Variants in NTSR1 observed in about 807,000 individuals in gnomAD.
NTSR1 encodes neurotensin receptor 1.
NTSR1 carries 29 observed loss-of-function variants against 31.2 expected under a neutral mutation model. That is an observed-to-expected ratio of 0.93 (90% CI 0.69 to 1.27). The LOEUF (loss-of-function observed/expected upper bound fraction) is 1.27. Ranked by LOEUF, NTSR1 falls within the 50% of genes most tolerant of loss-of-function variation. The pLI is 0.00. For missense variants in NTSR1, 697 were observed against 595.4 expected (o/e 1.17, Z -1.78); for synonymous variants, 282 against 269.9 (o/e 1.04, Z -0.44).
intron 1 of NTSR1, among the ~76,000 whole-genome samples, chr20:62,751,502 G>A (rs897283078): frequency 6.6e-6 from 1 of 152,250 alleles, no homozygotes. Flanking sequence ...GGGGTGCCCC[G>A]CTTCACCGGT....
At position 62,715,219 on chromosome 20, in the gene NTSR1, G is replaced by C. The variant is rs762342010; in HGVS notation, c.714+5298G>C. On this transcript the variant is annotated intron_variant, in intron 1 of 3. Transcript: ENST00000370501. The surrounding 1 kb of genome is among the most constrained non-coding windows in gnomAD (Gnocchi z 4.7). ...GATGGTGACTCTGAGGCTGTGGGGG[G>C]TGAGAGGGCAGGACAGGGAGGTGAC... Among the ~76,000 whole-genome samples, 1 of 152,196 alleles carries C rather than the reference G, an allele frequency of 6.6e-6. No individual in the cohort carries two copies.
rs533774882 is a variant in NTSR1 at position 62,715,189 on chromosome 20, G to A, written c.714+5268G>A. On this transcript the variant is annotated intron_variant, in intron 1 of 3. Transcript: ENST00000370501. The surrounding 1 kb of genome is among the most constrained non-coding windows in gnomAD (Gnocchi z 4.7). The stretch of plus-strand genomic sequence containing the variant: ...AAAGAATTTGGCGTATGAAATCACC[G>A]TTCAGATGGTGACTCTGAGGCTGTG... Among the ~76,000 whole-genome samples, 4 of 152,310 alleles carry A rather than the reference G, an allele frequency of 2.6e-5. No homozygotes were observed. The highest frequency in any genetic ancestry group is 1.9e-4 in the East Asian group (1 of 5,190).
intron 1 of NTSR1, among the ~76,000 whole-genome samples, chr20:62,750,894 C>T (rs1279581347): frequency 6.6e-6 from 1 of 151,874 alleles, no homozygotes; most frequent in African/African-American, 2.4e-5. Context: ...AATATTTTTG[C>T]GATGGGCGTC....
chr20:62,752,241 C>G (rs1185814567), intron 1 of NTSR1, among the ~76,000 whole-genome samples: 1 of 152,198 alleles, frequency 6.6e-6, no homozygotes, highest in Non-Finnish European at 1.5e-5. Flanking sequence ...TCCTCCGAGT[C>G]CCCGCGCTGC....
At chr20:62,739,118 G>A (rs1989157264) in intron 1 of NTSR1, among the ~76,000 whole-genome samples, 1 of 152,196 alleles carries the variant, frequency 6.6e-6, no homozygotes, top group African/African-American at 2.4e-5. Flanking sequence ...ACCTCATGTC[G>A]TGTGGCGCCG....
At chr20:62,723,584 C>T (rs1249525759) in intron 1 of NTSR1, among the ~76,000 whole-genome samples, 1 of 152,180 alleles carries the variant, frequency 6.6e-6, no homozygotes, top group Non-Finnish European at 1.5e-5. Flanking sequence ...TCTGGGCTGA[C>T]CCCATGGTGG....
In NTSR1 at chr20:62,741,249, C is replaced by T. The variant is rs1989201276; in HGVS notation, c.715-13436C>T. Among the ~76,000 whole-genome samples, 1 of 152,232 alleles carries T rather than the reference C, an allele frequency of 6.6e-6. No homozygotes were observed. The highest frequency in any genetic ancestry group is 1.5e-5 in the Non-Finnish European group (1 of 68,036). On this transcript the variant is annotated intron_variant, in intron 1 of 3. Transcript: ENST00000370501. This position sits in a 1 kb window ranked among gnomAD's most constrained non-coding sequence, Gnocchi z 4.3. ...GCCAGTCCCGCAGCTCAGCCGGGCA[C>T]AGACAGGATGTGGCTTCCAGGGGCT...
rs1989281501 is a variant in NTSR1, at chr20:62,745,340, G to A, written c.715-9345G>A. ...AGGGAGACACAGAGACAGAGATACA[G>A]AGACACAAGAAAACAGAGACAGAGA... On this transcript the variant is annotated intron_variant, in intron 1 of 3. Coordinates refer to ENST00000370501, the MANE Select transcript of NTSR1 (RefSeq NM_002531.3). The surrounding 1 kb of genome is among the most constrained non-coding windows in gnomAD (Gnocchi z 4.1). Among the ~76,000 whole-genome samples, 1 of 152,036 alleles carries A rather than the reference G, an allele frequency of 6.6e-6. No individual in the cohort carries two copies. The highest frequency in any genetic ancestry group is 1.9e-4 in the East Asian group (1 of 5,194).
Position 62,760,004 on chromosome 20 carries a change from C to A in NTSR1, c.1008-14C>A, listed in dbSNP as rs1989586089. 6.2e-7 allele frequency: 1 copy of A among 1,611,828 alleles called. No individual in the cohort carries two copies. The highest frequency in any genetic ancestry group is 1.3e-5 in the African/African-American group (1 of 74,874). On this transcript the variant is annotated splice_polypyrimidine_tract_variant and intron_variant, in intron 3 of 3. Transcript: ENST00000370501. ...AGTTCTCTCTGGGATCTGAGCGCCT[C>A]TCTCTCCCCGCAGGTTCCTCTATGA...
At chr20:62,712,690 T>A (rs1988638779) in intron 1 of NTSR1, among the ~76,000 whole-genome samples, 1 of 152,174 alleles carries the variant, frequency 6.6e-6, no homozygotes, top group Non-Finnish European at 1.5e-5. Flanking sequence ...CTCAGGGACC[T>A]ACGGGTGCCC....
intron 1 of NTSR1, among the ~76,000 whole-genome samples, chr20:62,754,340 C>T (rs6062548): frequency 0.66 from 100,352 of 152,142 alleles, 40,056 homozygotes; most frequent in Non-Finnish European, 0.87. Context: ...GACCTGGGAA[C>T]CTAGAGCCTA....
rs1989292387 is a variant in NTSR1, at chr20:62,745,919, G to A, written c.715-8766G>A. ...GCTCTCTTTAGAGACAAATCGAAAG[G>A]CGCCAGGGTGCTGTGGCATCAGTGG... On this transcript the variant is annotated intron_variant, in intron 1 of 3. Coordinates refer to ENST00000370501, the MANE Select transcript of NTSR1 (RefSeq NM_002531.3). This position sits in a 1 kb window ranked among gnomAD's most constrained non-coding sequence, Gnocchi z 4.1. Among the ~76,000 whole-genome samples the A allele has an allele frequency of 6.6e-6, 1 of 152,216 alleles. No individual in the cohort carries two copies. Among genetic ancestry groups the A allele is most frequent in the Non-Finnish European group, 1.5e-5 (1 of 68,028 alleles).
Position 62,711,866 on chromosome 20 carries a change from C to T in NTSR1, c.714+1945C>T, listed in dbSNP as rs536045669. Among the ~76,000 whole-genome samples the T allele has an allele frequency of 1.8e-4, 28 of 152,348 alleles. No individual in the cohort carries two copies. The highest frequency in any genetic ancestry group is 5.8e-4 in the African/African-American group (24 of 41,584). The stretch of plus-strand genomic sequence containing the variant: ...AGGCAGATTTGGCCAAGTCACGCTA[C>T]GGCCGGCCACAGGCACTCGTCCAAT... On this transcript the variant is annotated intron_variant, in intron 1 of 3. Coordinates refer to ENST00000370501, the MANE Select transcript of NTSR1 (RefSeq NM_002531.3). This position sits in a 1 kb window ranked among gnomAD's most constrained non-coding sequence, Gnocchi z 6.4.
intron 1 of NTSR1, among the ~76,000 whole-genome samples, chr20:62,753,473 G>C (rs889436736): frequency 2.0e-5 from 3 of 152,186 alleles, no homozygotes; most frequent in African/African-American, 7.2e-5. Context: ...GATACCCCTG[G>C]ACTTTCTACC....
intron 1 of NTSR1, among the ~76,000 whole-genome samples, chr20:62,717,258 C>T (rs547286507): frequency 2.0e-5 from 3 of 152,360 alleles, no homozygotes; most frequent in African/African-American, 4.8e-5. Context: ...CGAAGCCACC[C>T]GTGCCTACTT....
At chr20:62,720,872 G>A (rs1198374056) in intron 1 of NTSR1, among the ~76,000 whole-genome samples, 1 of 152,014 alleles carries the variant, frequency 6.6e-6, no homozygotes, top group Non-Finnish European at 1.5e-5. Flanking sequence ...TATATCTTGA[G>A]ATTCCCTCTT....
Position 62,732,057 on chromosome 20 carries a change from C to G in NTSR1, c.714+22136C>G, listed in dbSNP as rs1277013657. On this transcript the variant is annotated intron_variant, in intron 1 of 3. Transcript: ENST00000370501. This position sits in a 1 kb window ranked among gnomAD's most constrained non-coding sequence, Gnocchi z 4.0. Reference sequence around the variant, plus strand: ...ATCACTTGAACCCAGGAGGCAGAGGCTGCAGTGAGCCAAGATTGTGTCACC... The same window carrying G: ...ATCACTTGAACCCAGGAGGCAGAGGGTGCAGTGAGCCAAGATTGTGTCACC... Among the ~76,000 whole-genome samples, 1 of 151,042 alleles carries G rather than the reference C, an allele frequency of 6.6e-6. No homozygotes were observed. Among genetic ancestry groups the G allele is most frequent in the Non-Finnish European group, 1.5e-5 (1 of 67,918 alleles).
chr20:62,726,161 A>G (rs1600722876), intron 1 of NTSR1, among the ~76,000 whole-genome samples: 2 of 151,996 alleles, frequency 1.3e-5, no homozygotes, highest in African/African-American at 2.4e-5. Context: ...ACCGGTCTCA[A>G]CCCTTTCTGT....
In NTSR1 at chr20:62,714,629, T is replaced by C. The variant is rs1261270379; in HGVS notation, c.714+4708T>C. Among the ~76,000 whole-genome samples, 1 of 151,996 alleles carries C rather than the reference T, an allele frequency of 6.6e-6. No homozygotes were observed. Among genetic ancestry groups the C allele is most frequent in the African/African-American group, 2.4e-5 (1 of 41,344 alleles). On this transcript the variant is annotated intron_variant, in intron 1 of 3. Transcript: ENST00000370501. The surrounding 1 kb of genome is among the most constrained non-coding windows in gnomAD (Gnocchi z 4.1). ...AATCTGAATCTCATGGAGCCCCTGA[T>C]CCAACACACAGGACACACCAGGGAC...
Sources: allele counts gnomAD v4.1 joint callset (sites outside exome capture counted in the v4.1 genomes callset), GRCh38; gene constraint gnomAD v4.1.1; non-coding constraint Gnocchi (gnomAD v3.1); transcripts MANE v1.5; gene names NCBI Gene and HGNC (gene_info 2026-07-23, HGNC 2026-07-21).